The following RALA variants were observed in gnomAD, a reference collection of about 807,000 sequenced individuals.
RALA encodes the protein ras-related protein Ral-A.
A neutral mutation model predicts 24.0 loss-of-function variants in RALA; 5 were observed. The observed-to-expected ratio is 0.21, with a 90% CI of 0.11 to 0.44. RALA has a LOEUF of 0.44. RALA is among the 20% of genes least tolerant of loss of function. The pLI is 0.99. For synonymous variants in RALA, 77 were observed against 83.8 expected (o/e 0.92, Z 0.44); for missense variants, 95 against 241.2 (o/e 0.39, Z 4.01).
In RALA at chr7:39,686,732, G is replaced by T; in HGVS notation, c.65G>T (p.Ser22Ile). 6.2e-7 allele frequency: 1 copy of T among 1,614,172 alleles called. No homozygotes were observed. Among genetic ancestry groups the T allele is most frequent in the Non-Finnish European group, 8.5e-7 (1 of 1,179,996 alleles). Residue 22 changes from serine to isoleucine, a missense_variant, in exon 2 of 5, where the codon AGT becomes ATT. Transcript: ENST00000005257. ...TTACACAAAGTCATCATGGTGGGCA[G>T]TGGTGGCGTGGGCAAGTCAGCTCTG... Reference protein sequence around the residue: ...LALHKVIMVGSGGVGKSALTL... With the variant: ...LALHKVIMVGIGGVGKSALTL...
At chr7:39,642,899 G>A (rs1791845464) in intron 1 of RALA, among the ~76,000 whole-genome samples, 4 of 152,178 alleles carry the variant, frequency 2.6e-5, no homozygotes, top group Admixed American at 2.6e-4. Context: ...GCCTGTTCAG[G>A]CCACACATCA....
At chr7:39,674,729 T>C (rs992707743) in intron 1 of RALA, among the ~76,000 whole-genome samples, 1 of 152,162 alleles carries the variant, frequency 6.6e-6, no homozygotes, top group Non-Finnish European at 1.5e-5. Context: ...TATTGAGATA[T>C]CTTGGGGGAT....
At chr7:39,667,714 A>G (rs529393137) in intron 1 of RALA, among the ~76,000 whole-genome samples, 7 of 152,368 alleles carry the variant, frequency 4.6e-5, no homozygotes, top group African/African-American at 1.7e-4. Context: ...CATCTGTTCC[A>G]TGCTAATTTT....
At chr7:39,686,205 CA>C (rs35214885) in intron 1 of RALA, among the ~76,000 whole-genome samples, 1,759 of 93,076 alleles carry the variant, frequency 0.019, 22 homozygotes, top group African/African-American at 0.065. Flanking sequence ...GACTCCGTCT[CA>C]AAAAAAAAAA....
At chr7:39,658,285 C>T (rs1792129654) in intron 1 of RALA, among the ~76,000 whole-genome samples, 1 of 152,286 alleles carries the variant, frequency 6.6e-6, no homozygotes, top group East Asian at 1.9e-4. Context: ...CCAACCCTCT[C>T]ACCTCCCCCT....
chr7:39,650,841 C>T (rs758874658), intron 1 of RALA, among the ~76,000 whole-genome samples: 5 of 152,348 alleles, frequency 3.3e-5, no homozygotes, highest in Non-Finnish European at 4.4e-5. Flanking sequence ...ACTTCTGAGA[C>T]TTGGCTGGGT....
intron 4 of RALA, chr7:39,702,901 C>G (rs1793054249): frequency 6.6e-6 from 1 of 152,114 alleles, no homozygotes; most frequent in African/African-American, 2.4e-5. Flanking sequence ...AGAATTACAG[C>G]TAGATATGAG....
At chr7:39,631,593 A>G (rs1341239706) in intron 1 of RALA, among the ~76,000 whole-genome samples, 6 of 152,148 alleles carry the variant, frequency 3.9e-5, no homozygotes, top group African/African-American at 1.4e-4. Context: ...TATTTTTTGC[A>G]TTCTACTTTT....
intron 1 of RALA, among the ~76,000 whole-genome samples, chr7:39,634,495 A>G (rs1791652402): frequency 1.3e-5 from 2 of 152,108 alleles, no homozygotes; most frequent in Non-Finnish European, 2.9e-5. Context: ...TGCCCCCACC[A>G]TTTTTAGTCT....
chr7:39,700,029 C>G (rs1278989185), intron 4 of RALA, among the ~76,000 whole-genome samples: 1 of 152,150 alleles, frequency 6.6e-6, no homozygotes, highest in Non-Finnish European at 1.5e-5. Flanking sequence ...GCAGGGCCAG[C>G]TGCGGGACTT....
At chr7:39,699,602 A>G (rs1014623911) in intron 4 of RALA, among the ~76,000 whole-genome samples, 1 of 152,258 alleles carries the variant, frequency 6.6e-6, no homozygotes, top group Admixed American at 6.5e-5. Flanking sequence ...TTAAAAAGAA[A>G]TGAGGATAGA....
At chr7:39,705,960 A>G (rs1276693521) in intron 4 of RALA, among the ~76,000 whole-genome samples, 163 bp from the exon 5 acceptor site, 1 of 152,064 alleles carries the variant, frequency 6.6e-6, no homozygotes, top group Non-Finnish European at 1.5e-5. Context: ...TCAAGATACT[A>G]GGAAAATCAG....
intron 2 of RALA, among the ~76,000 whole-genome samples, chr7:39,687,138 C>A (rs765480096): frequency 6.6e-6 from 1 of 151,978 alleles, no homozygotes; most frequent in Non-Finnish European, 1.5e-5. Flanking sequence ...TATAAAATAT[C>A]TTTTAGGCTG....
intron 1 of RALA, among the ~76,000 whole-genome samples, chr7:39,655,361 T>G (rs1170569206): frequency 6.6e-6 from 1 of 152,166 alleles, no homozygotes; most frequent in Admixed American, 6.5e-5. Context: ...TATGTGAAAC[T>G]GAAGAAAGTA....
At chr7:39,685,419 G>A (rs147131875) in intron 1 of RALA, among the ~76,000 whole-genome samples, 1 of 152,320 alleles carries the variant, frequency 6.6e-6, no homozygotes, top group East Asian at 1.9e-4. Flanking sequence ...TTAGAAAGCT[G>A]TTTGTGTCCG....
intron 1 of RALA, among the ~76,000 whole-genome samples, chr7:39,631,426 A>G (rs1000946059): frequency 1.3e-5 from 2 of 151,618 alleles, no homozygotes; most frequent in Non-Finnish European, 1.5e-5. Flanking sequence ...TGGTGCCATC[A>G]TAGCTCACTG....
chr7:39,666,317 A>T, intron 1 of RALA, among the ~76,000 whole-genome samples: 1 of 152,194 alleles, frequency 6.6e-6, no homozygotes, highest in Non-Finnish European at 1.5e-5. Flanking sequence ...TCATGAAAAA[A>T]CACTGAGGAT....
intron 2 of RALA, among the ~76,000 whole-genome samples, chr7:39,687,957 A>G (rs1792737651): frequency 6.6e-6 from 1 of 152,050 alleles, no homozygotes; most frequent in Non-Finnish European, 1.5e-5. Context: ...TTTTTTTTAA[A>G]TAGAGACCAG....
At chr7:39,643,848 A>G (rs1365333552) in intron 1 of RALA, among the ~76,000 whole-genome samples, 1 of 152,170 alleles carries the variant, frequency 6.6e-6, no homozygotes, top group Non-Finnish European at 1.5e-5. Context: ...GACAAAGTTG[A>G]GACTTCATCT....
Sources: gnomAD v4.1 joint callset for allele counts (sites outside exome capture counted in the v4.1 genomes callset) on GRCh38, gnomAD v4.1.1 for gene constraint, MANE v1.5 for transcripts, NCBI Gene and HGNC (gene_info 2026-07-23, HGNC 2026-07-21) for gene names.